The following PGLYRP4 variants were observed in gnomAD, a reference collection of about 807,000 sequenced individuals.
The protein encoded by PGLYRP4 is PGRP-I-beta.
Under a neutral mutation model 41.2 loss-of-function variants are expected in PGLYRP4, and 39 were observed. That is an observed-to-expected ratio of 0.95 (90% CI 0.73 to 1.24). The LOEUF (loss-of-function observed/expected upper bound fraction) is 1.24. PGLYRP4 is among the 50% of genes most tolerant of loss of function. The probability of loss-of-function intolerance (pLI) is 0.00; values close to 1 mark genes in which losing one functional copy is unlikely to be tolerated. For missense variants in PGLYRP4, 467 were observed against 460.7 expected (o/e 1.01, Z -0.13); for synonymous variants, 202 against 186.8 (o/e 1.08, Z -0.66).
chr1:153,332,084 A>T (rs1754133), intron 8 of PGLYRP4, among the ~76,000 whole-genome samples: 64,791 of 151,966 alleles, frequency 0.43, 14,111 homozygotes, highest in East Asian at 0.55. Flanking sequence ...CCTAACTGGT[A>T]AATAAATTTA....
In PGLYRP4 at chr1:153,331,303, C is replaced by T. The variant is rs541134069; in HGVS notation, c.944-358G>A. Among the ~76,000 whole-genome samples the T allele has an allele frequency of 6.6e-5, 10 of 152,242 alleles. No homozygotes were observed. The East Asian group carries it at 1.2e-3, about 18-fold the overall frequency. ...AACTGGGATGCAGGGGAATACTAGT[C>T]GGTAGAAGCCAAGGATACTGCTAAA... is the stretch of plus-strand genomic sequence containing the variant. On this transcript the variant is annotated intron_variant, in intron 8 of 8. Transcript: ENST00000359650.
chr1:153,345,815 C>T (rs528666399), intron 3 of PGLYRP4, among the ~76,000 whole-genome samples: 1 of 152,344 alleles, frequency 6.6e-6, no homozygotes, highest in Admixed American at 6.5e-5. Flanking sequence ...GTCTCCCCCT[C>T]AGTCTGAGGA....
At chr1:153,333,438 C>A (rs541685544) in intron 8 of PGLYRP4, among the ~76,000 whole-genome samples, 1 of 152,158 alleles carries the variant, frequency 6.6e-6, no homozygotes, top group East Asian at 1.9e-4. Context: ...AAAAAAGATT[C>A]TCCCAACAAC....
At chr1:153,340,298 A>G in intron 7 of PGLYRP4, 83 bp downstream of exon 7, 3 of 1,231,888 alleles carry the variant, frequency 2.4e-6, no homozygotes, top group Non-Finnish European at 3.6e-6. Flanking sequence ...CCCAGTAAAT[A>G]TTAGTTCCCT....
At chr1:153,338,625 T>A (rs1660665458) in intron 7 of PGLYRP4, among the ~76,000 whole-genome samples, 1 of 152,188 alleles carries the variant, frequency 6.6e-6, no homozygotes, top group Non-Finnish European at 1.5e-5. Flanking sequence ...TCTATATTTA[T>A]CCCAATGAAC....
intron 6 of PGLYRP4, 91 bp from the exon 7 acceptor site, chr1:153,340,670 T>A: frequency 7.6e-7 from 1 of 1,312,624 alleles, no homozygotes; most frequent in Non-Finnish European, 1.1e-6. Flanking sequence ...CTCAGGACCC[T>A]CAACTTCCCA....
chr1:153,341,422 A>G (rs1046310654), intron 6 of PGLYRP4, among the ~76,000 whole-genome samples: 13 of 152,222 alleles, frequency 8.5e-5, no homozygotes, highest in Non-Finnish European at 1.8e-4. Context: ...TGGCTCTTTC[A>G]TATGAGGAAT....
intron 4 of PGLYRP4, among the ~76,000 whole-genome samples, chr1:153,343,509 A>G (rs1305566838): frequency 6.6e-6 from 1 of 152,142 alleles, no homozygotes; most frequent in Admixed American, 6.5e-5. Flanking sequence ...TGACCACACA[A>G]TGGAAGGCTC....
Position 153,336,071 on chromosome 1 carries a change from T to C in PGLYRP4, c.943+1110A>G, listed in dbSNP as rs568917039. The stretch of plus-strand genomic sequence containing the variant: ...GTGTGTGTGTGTGTGTGTGTGTGTG[T>C]ACACCATAGAATACTATTCAGCCAT... On this transcript the variant is annotated intron_variant, in intron 8 of 8. Transcript: ENST00000359650. Among the ~76,000 whole-genome samples the C allele has an allele frequency of 6.1e-4, 87 of 143,044 alleles. 2 individuals carry two copies. The highest frequency in any genetic ancestry group is 5.8e-3 in the Admixed American group (82 of 14,180). 93.8% of individuals were successfully genotyped at this position (143,044 alleles called of 152,430 possible).
intron 8 of PGLYRP4, among the ~76,000 whole-genome samples, chr1:153,331,937 A>G (rs1332724808): frequency 6.6e-6 from 1 of 152,228 alleles, no homozygotes; most frequent in Admixed American, 6.5e-5. Flanking sequence ...GTAACCATTA[A>G]CATTATGACA....
At chr1:153,345,445 T>G (rs1364324553) in intron 3 of PGLYRP4, 63 bp from the exon 4 acceptor site, 51 of 1,459,476 alleles carry the variant, frequency 3.5e-5, no homozygotes, top group Non-Finnish European at 1.9e-6. Flanking sequence ...AAGCTGAACA[T>G]GCAGGCATGG....
intron 8 of PGLYRP4, among the ~76,000 whole-genome samples, chr1:153,333,898 A>G (rs1307662556): frequency 2.0e-5 from 3 of 152,246 alleles, no homozygotes; most frequent in Non-Finnish European, 4.4e-5. Flanking sequence ...CTAGGCATCA[A>G]AAGAACATAC....
intron 8 of PGLYRP4, among the ~76,000 whole-genome samples, chr1:153,334,209 T>A (rs528851404): frequency 6.6e-6 from 1 of 151,666 alleles, no homozygotes; most frequent in Non-Finnish European, 1.5e-5. Flanking sequence ...AGTTTCAAGA[T>A]ACAAAATCAA....
intron 3 of PGLYRP4, 38 bp from the exon 4 acceptor site, chr1:153,345,420 C>G: frequency 1.3e-6 from 2 of 1,550,424 alleles, no homozygotes; most frequent in African/African-American, 1.4e-5. Context: ...CCCATCACTA[C>G]CGCATTAGCC....
At chr1:153,346,022 G>A (rs530872011) in intron 3 of PGLYRP4, 80 bp downstream of exon 3, 1 of 1,043,474 alleles carries the variant, frequency 9.6e-7, no homozygotes, top group East Asian at 2.4e-5. Flanking sequence ...ATGTGGCTTT[G>A]CAGACCTCAG....
In PGLYRP4 at chr1:153,345,251, C is replaced by CCAGGGACATG; in HGVS notation, c.270_271insCATGTCCCTG (p.Asp91HisfsTer27). ...AGTCTCTGGCTGCAGACTGTCTGGTCGTGACACTCCAGTCCAGGGACATGG... is the reference window on the plus strand; with the variant it reads ...AGTCTCTGGCTGCAGACTGTCTGGTCCAGGGACATGGTGACACTCCAGTCCAGGGACATGG... On this transcript the variant is annotated frameshift_variant, in exon 4 of 9. Transcript: ENST00000359650. LOFTEE classifies it high-confidence loss of function. 1 of 1,614,112 alleles carries CCAGGGACATG rather than the reference C, an allele frequency of 6.2e-7. No homozygotes were observed. Among genetic ancestry groups the CCAGGGACATG allele is most frequent in the Non-Finnish European group, 8.5e-7 (1 of 1,180,012 alleles).
At position 153,345,260 on chromosome 1, in the gene PGLYRP4, C is replaced by G; in HGVS notation, c.262G>C (p.Glu88Gln). 6.2e-7 allele frequency: 1 copy of G among 1,614,150 alleles called. No homozygotes were observed. Among genetic ancestry groups the G allele is most frequent in the Non-Finnish European group, 8.5e-7 (1 of 1,180,020 alleles). ...VLVIHHVPGL[E>Q]CHDQTVCSQR... is the part of the protein sequence containing the mutation. ...CTGCAGACTGTCTGGTCGTGACACTCCAGTCCAGGGACATGGTGTATAACA... is the reference window on the plus strand; with the variant it reads ...CTGCAGACTGTCTGGTCGTGACACTGCAGTCCAGGGACATGGTGTATAACA... The change falls in exon 4 of 9, where the codon GAG becomes CAG. Residue 88 changes from glutamate to glutamine, a missense_variant. Transcript: ENST00000359650.
chr1:153,338,649 C>G (rs1387270615), intron 7 of PGLYRP4, among the ~76,000 whole-genome samples: 4 of 152,170 alleles, frequency 2.6e-5, no homozygotes, highest in African/African-American at 9.7e-5. Flanking sequence ...TCTCAGCTCC[C>G]CACAGGCGCC....
At chr1:153,332,871 C>A (rs963940226) in intron 8 of PGLYRP4, among the ~76,000 whole-genome samples, 14 of 151,800 alleles carry the variant, frequency 9.2e-5, no homozygotes, top group African/African-American at 3.4e-4. Flanking sequence ...CTCTGGGATA[C>A]AACAAAAAAC....
Sources: gnomAD v4.1 joint callset for allele counts (sites outside exome capture counted in the v4.1 genomes callset) on GRCh38, gnomAD v4.1.1 for gene constraint, MANE v1.5 for transcripts, NCBI Gene and HGNC (gene_info 2026-07-23, HGNC 2026-07-21) for gene names.